The following OTUD7A variants were observed in gnomAD, a reference collection of about 807,000 sequenced individuals.
The protein encoded by OTUD7A is OTU deubiquitinase 7A, also known as OTU domain-containing protein 7A.
OTUD7A carries 12 observed loss-of-function variants against 65.7 expected under a neutral mutation model. That is an observed-to-expected ratio of 0.18 (90% CI 0.12 to 0.30). The LOEUF (loss-of-function observed/expected upper bound fraction) is 0.30. OTUD7A is among the 10% of genes least tolerant of loss of function. OTUD7A has a pLI of 1.00. For missense variants in OTUD7A, 1,148 were observed against 1,304.8 expected (o/e 0.88, Z 1.85); for synonymous variants, 641 against 586.3 (o/e 1.09, Z -1.35).
At chr15:31,510,096 TC>T (rs1355942521) in intron 8 of OTUD7A, among the ~76,000 whole-genome samples, 10 of 151,364 alleles carry the variant, frequency 6.6e-5, no homozygotes, top group Non-Finnish European at 1.2e-4. Flanking sequence ...TTTTTTTTTT[TC>T]CCTGATTTAT....
At chr15:31,741,740 A>G (rs1034825498) in intron 1 of OTUD7A, among the ~76,000 whole-genome samples, 2 of 152,060 alleles carry the variant, frequency 1.3e-5, no homozygotes, top group African/African-American at 4.8e-5. Flanking sequence ...AAAATACCAA[A>G]AATTTAGGAG....
intron 3 of OTUD7A, among the ~76,000 whole-genome samples, chr15:31,617,306 G>A (rs1659357262): frequency 6.6e-6 from 1 of 152,052 alleles, no homozygotes; most frequent in South Asian, 2.1e-4. Context: ...GACCAACATG[G>A]TGAAACCCCG....
intron 3 of OTUD7A, chr15:31,649,731 C>T (rs1009215715): frequency 4.1e-5 from 18 of 439,078 alleles, no homozygotes; most frequent in African/African-American, 3.4e-4. Context: ...TGAGCACTCA[C>T]CACTGCCACC....
At chr15:31,535,664 T>C (rs1027258743) in intron 5 of OTUD7A, among the ~76,000 whole-genome samples, 1 of 145,970 alleles carries the variant, frequency 6.9e-6, no homozygotes, top group African/African-American at 2.7e-5. Flanking sequence ...TTACCTTGGG[T>C]TCTGTTTTTG....
intron 1 of OTUD7A, among the ~76,000 whole-genome samples, chr15:31,729,667 G>A (rs77594894): frequency 0.066 from 10,077 of 152,186 alleles, 570 homozygotes; most frequent in East Asian, 0.3. Flanking sequence ...TGCTTTCTGT[G>A]TGCTTAATCC....
At chr15:31,505,410 T>A (rs1016353924) in intron 8 of OTUD7A, among the ~76,000 whole-genome samples, 6 of 152,216 alleles carry the variant, frequency 3.9e-5, no homozygotes. Flanking sequence ...GATTTTTTTA[T>A]TATGGCTAGC....
intron 1 of OTUD7A, among the ~76,000 whole-genome samples, chr15:31,685,488 AAAAAAAC>A (rs1004192068): frequency 3.9e-5 from 6 of 151,924 alleles, no homozygotes; most frequent in South Asian, 2.1e-4. Context: ...TACTGAAAAA[AAAAAAAC>A]AAAAAACAAA....
chr15:31,766,218 A>G, intron 1 of OTUD7A: 1 of 1,534,754 alleles, frequency 6.5e-7, no homozygotes, highest in Non-Finnish European at 9.0e-7. Context: ...AGCACAGCAT[A>G]ACACACATTG....
At chr15:31,626,576 C>G (rs1319392960) in intron 3 of OTUD7A, among the ~76,000 whole-genome samples, 1 of 152,026 alleles carries the variant, frequency 6.6e-6, no homozygotes, top group Non-Finnish European at 1.5e-5. Context: ...CTCAGAAAAT[C>G]AGAATATAAT....
chr15:31,771,972 G>A (rs572598651), intron 1 of OTUD7A, among the ~76,000 whole-genome samples: 17 of 152,272 alleles, frequency 1.1e-4, no homozygotes, highest in African/African-American at 4.1e-4. Flanking sequence ...TAGAGTGGGG[G>A]CCGGGCGCGG....
intron 1 of OTUD7A, among the ~76,000 whole-genome samples, chr15:31,840,014 AC>A (rs1232750088): frequency 2.6e-5 from 4 of 152,106 alleles, no homozygotes; most frequent in Non-Finnish European, 4.4e-5. Flanking sequence ...CTCTAACTAC[AC>A]AAAATAAAAT....
Position 31,483,599 on chromosome 15 carries a change from G to A in OTUD7A, c.2497C>T (p.Leu833=). 2.4e-6 allele frequency: 3 copies of A among 1,225,998 alleles called. No individual in the cohort carries two copies. Among genetic ancestry groups the A allele is most frequent in the South Asian group, 3.1e-5 (1 of 32,154 alleles). The allele number at this position is 1,225,998 out of a possible 1,614,324, so 75.9% of individuals were successfully genotyped here. Residue 833 remains leucine (L), a synonymous_variant, in exon 13 of 13, where the codon CTG becomes TTG. Transcript: ENST00000307050. The part of the protein sequence containing the change: ...ALRTVNTVES[L]ARAVPGALPG... ...AGGGCCCCGGGCACCGCGCGCGCCA[G>A]CGACTCGACCGTGTTGACGGTGCGC...
intron 1 of OTUD7A, among the ~76,000 whole-genome samples, chr15:31,853,586 A>G (rs1897485302): frequency 6.6e-6 from 1 of 152,242 alleles, no homozygotes; most frequent in Non-Finnish European, 1.5e-5. Flanking sequence ...GGCTGTGTGG[A>G]TACAGAAGCA....
At chr15:31,647,682 A>C (rs990771737) in intron 3 of OTUD7A, among the ~76,000 whole-genome samples, 13 of 151,790 alleles carry the variant, frequency 8.6e-5, no homozygotes, top group African/African-American at 3.1e-4. Context: ...ACTTATTTCC[A>C]TCTGTCTCCA....
chr15:31,671,102 TTTA>T (rs1892473776), intron 1 of OTUD7A, among the ~76,000 whole-genome samples: 1 of 152,246 alleles, frequency 6.6e-6, no homozygotes, highest in African/African-American at 2.4e-5. Flanking sequence ...AATCTTTGCT[TTTA>T]TTGCAATTGC....
At chr15:31,838,845 T>C (rs1897118900) in intron 1 of OTUD7A, among the ~76,000 whole-genome samples, 1 of 152,168 alleles carries the variant, frequency 6.6e-6, no homozygotes, top group South Asian at 2.1e-4. Context: ...CCTCCACTAC[T>C]CCTAACTGAT....
chr15:31,798,873 T>C (rs1189485089), intron 1 of OTUD7A, among the ~76,000 whole-genome samples: 1 of 152,144 alleles, frequency 6.6e-6, no homozygotes, highest in East Asian at 1.9e-4. Context: ...GCTTTGCTAG[T>C]GGGCAGAAAG....
At chr15:31,730,757 A>G (rs1192434816) in intron 1 of OTUD7A, among the ~76,000 whole-genome samples, 3 of 152,142 alleles carry the variant, frequency 2.0e-5, no homozygotes, top group Non-Finnish European at 2.9e-5. Context: ...CATCTCCAAC[A>G]TGGGGGCGGT....
intron 3 of OTUD7A, among the ~76,000 whole-genome samples, chr15:31,596,769 A>G (rs1026516168): frequency 1.3e-5 from 2 of 151,806 alleles, no homozygotes; most frequent in Non-Finnish European, 2.9e-5. Flanking sequence ...TAATTCATGT[A>G]TCTTCTTCTT....
Sources: allele counts gnomAD v4.1 joint callset (sites outside exome capture counted in the v4.1 genomes callset), GRCh38; gene constraint gnomAD v4.1.1; transcripts MANE v1.5; gene names NCBI Gene and HGNC (gene_info 2026-07-23, HGNC 2026-07-21).